Variants in PTPRC observed in about 807,000 individuals in gnomAD.
PTPRC encodes the protein protein tyrosine phosphatase receptor type C, also known as receptor-type tyrosine-protein phosphatase C.
In PTPRC, 44 loss-of-function variants were observed where a neutral mutation model predicts 155.9. The ratio of observed to expected loss-of-function variants is 0.28; its 90% CI spans 0.22 to 0.36. The LOEUF is 0.36. Among genes scored for constraint, PTPRC ranks in the 10% least tolerant of loss-of-function variants. PTPRC has a pLI of 1.00. For missense variants in PTPRC, 1,401 were observed against 1,564.6 expected (o/e 0.90, Z 1.76); for synonymous variants, 525 against 533.1 (o/e 0.98, Z 0.21).
chr1:198,730,112 T>G (rs1034282694), intron 17 of PTPRC, among the ~76,000 whole-genome samples: 27 of 152,094 alleles, frequency 1.8e-4, no homozygotes, highest in Non-Finnish European at 3.2e-4. Context: ...TCTGATCCAG[T>G]AAAAGGGGAC....
intron 24 of PTPRC, 32 bp from the exon 25 acceptor site, chr1:198,742,200 A>G (rs1226453195): frequency 2.5e-6 from 4 of 1,611,926 alleles, no homozygotes; most frequent in African/African-American, 2.7e-5. Flanking sequence ...TTCCATGATC[A>G]TGCCTCTGCT....
chr1:198,744,577 A>G (rs1038566875), intron 26 of PTPRC, among the ~76,000 whole-genome samples: 4 of 151,924 alleles, frequency 2.6e-5, no homozygotes, highest in African/African-American at 9.7e-5. Context: ...GGAAATCATT[A>G]GAAGAGTTTA....
chr1:198,725,716 ATTGTTG>A (rs1186239634), intron 15 of PTPRC, among the ~76,000 whole-genome samples: 1 of 151,350 alleles, frequency 6.6e-6, no homozygotes, highest in Admixed American at 6.6e-5. Context: ...ATTTTTTGTT[ATTGTTG>A]TTGTTGTTGT....
At chr1:198,678,817 CT>C (rs749154397) in intron 2 of PTPRC, among the ~76,000 whole-genome samples, 75 of 150,124 alleles carry the variant, frequency 5.0e-4, no homozygotes, top group Admixed American at 4.4e-3. Flanking sequence ...TGGGCCTGGT[CT>C]TTTTTTCCCC....
chr1:198,748,478 TG>T (rs1341070622), intron 27 of PTPRC, among the ~76,000 whole-genome samples: 4 of 151,804 alleles, frequency 2.6e-5, no homozygotes, highest in Non-Finnish European at 5.9e-5. Context: ...TATATAAAGC[TG>T]GGAGAAAAAA....
At chr1:198,751,224 A>G (rs950226880) in intron 29 of PTPRC, among the ~76,000 whole-genome samples, 2 of 152,010 alleles carry the variant, frequency 1.3e-5, no homozygotes, top group African/African-American at 4.8e-5. Flanking sequence ...TATAATATTT[A>G]TTGCCATAAA....
intron 8 of PTPRC, among the ~76,000 whole-genome samples, chr1:198,705,049 T>C (rs1463614786): frequency 6.6e-6 from 1 of 152,154 alleles, no homozygotes; most frequent in Admixed American, 6.6e-5. Flanking sequence ...AAAATCTCTC[T>C]TTTTCTCTCT....
chr1:198,687,289 A>C (rs929888085), intron 2 of PTPRC, among the ~76,000 whole-genome samples: 1 of 152,042 alleles, frequency 6.6e-6, no homozygotes, highest in African/African-American at 2.4e-5. Flanking sequence ...CCTGGCCACA[A>C]CCAATCTCAT....
chr1:198,752,644 G>A lies in PTPRC; in HGVS notation c.3381G>A (p.Val1127=), dbSNP rs1655437449. ...VYQYQYTNWS[V]EQLPAEPKEL... is the part of the protein sequence containing the mutation. ...AGTACCAATATACAAACTGGAGTGT[G>A]GAGCAGCTTCCTGCAGAACCCAAGG... The change falls in exon 31 of 33, where the codon GTG becomes GTA. Residue 1127 remains valine (V), a synonymous_variant. Transcript: ENST00000442510. The A allele has an allele frequency of 6.2e-7, 1 of 1,612,784 alleles. No individual in the cohort carries two copies. Among genetic ancestry groups the A allele is most frequent in the Non-Finnish European group, 8.5e-7 (1 of 1,179,282 alleles).
chr1:198,658,237 T>C (rs1292973049), intron 2 of PTPRC, among the ~76,000 whole-genome samples: 1 of 152,192 alleles, frequency 6.6e-6, no homozygotes, highest in Non-Finnish European at 1.5e-5. Flanking sequence ...TTAATAATGA[T>C]ACACATGAAC....
intron 2 of PTPRC, among the ~76,000 whole-genome samples, chr1:198,673,233 T>A (rs1335848612): frequency 1.3e-5 from 2 of 152,130 alleles, no homozygotes; most frequent in African/African-American, 2.4e-5. Flanking sequence ...TCTCTCTGCT[T>A]CCATAGAAAG....
chr1:198,665,030 A>T (rs1380719997), intron 2 of PTPRC, among the ~76,000 whole-genome samples: 1 of 142,786 alleles, frequency 7.0e-6, no homozygotes, highest in Non-Finnish European at 1.5e-5. Flanking sequence ...TCTGAATGGG[A>T]TTGGAGTCAG....
At chr1:198,655,738 C>T (rs1663528864) in intron 2 of PTPRC, among the ~76,000 whole-genome samples, 1 of 152,124 alleles carries the variant, frequency 6.6e-6, no homozygotes, top group South Asian at 2.1e-4. Context: ...TAGCAACATT[C>T]CTGCCTCTGT....
chr1:198,698,001 GC>G (rs1393269105), intron 4 of PTPRC, among the ~76,000 whole-genome samples: 3 of 152,106 alleles, frequency 2.0e-5, no homozygotes, highest in Non-Finnish European at 2.9e-5. Context: ...TGAACACATT[GC>G]CCAAAATTTT....
chr1:198,676,520 T>C (rs9803978), intron 2 of PTPRC, among the ~76,000 whole-genome samples: 14,702 of 152,128 alleles, frequency 0.097, 747 homozygotes, highest in African/African-American at 0.12. Context: ...CTGAGCTGTT[T>C]AGTGAAGTGA....
At position 198,757,041 on chromosome 1, in the gene PTPRC, T is replaced by C. The variant is rs1655713314; in HGVS notation, c.*860T>C. ...TGTATTAATATTCATTGTATAAAAA[T>C]AGAAGAATACAAACATATTTGTTAA... On this transcript the variant is annotated 3_prime_UTR_variant, in exon 33 of 33. Coordinates refer to ENST00000442510, the MANE Select transcript of PTPRC (RefSeq NM_002838.5). The C allele has an allele frequency of 6.6e-6, 1 of 151,862 alleles. No homozygotes were observed. The highest frequency in any genetic ancestry group is 1.5e-5 in the Non-Finnish European group (1 of 67,830). The allele number at this position is 151,862 out of a possible 1,614,324, so 9.4% of individuals were successfully genotyped here.
At chr1:198,665,025 A>G (rs1001256843) in intron 2 of PTPRC, among the ~76,000 whole-genome samples, 16 of 150,606 alleles carry the variant, frequency 1.1e-4, no homozygotes, top group African/African-American at 1.5e-4. Flanking sequence ...TTGGATCTGA[A>G]TGGGATTGGA....
intron 3 of PTPRC, chr1:198,694,152 A>G (rs1666077385): frequency 6.6e-7 from 1 of 1,521,982 alleles, no homozygotes; most frequent in Non-Finnish European, 8.8e-7. Flanking sequence ...TAAGTCCAAG[A>G]GTCCAAAAGC....
At chr1:198,656,649 T>G (rs1342354476) in intron 2 of PTPRC, among the ~76,000 whole-genome samples, 2 of 84,776 alleles carry the variant, frequency 2.4e-5, no homozygotes, top group South Asian at 1.1e-3. Context: ...GTTTTTTGTT[T>G]TTTGTTTTTT....
Sources: allele counts gnomAD v4.1 joint callset (sites outside exome capture counted in the v4.1 genomes callset), GRCh38; gene constraint gnomAD v4.1.1; transcripts MANE v1.5; gene names NCBI Gene and HGNC (gene_info 2026-07-23, HGNC 2026-07-21).